Variants in SPAG16 observed in about 807,000 individuals in gnomAD.
The protein encoded by SPAG16 is sperm associated antigen 16.
SPAG16 carries 86 observed loss-of-function variants against 80.4 expected under a neutral mutation model. The ratio of observed to expected loss-of-function variants is 1.07; its 90% confidence interval spans 0.90 to 1.28. The LOEUF (loss-of-function observed/expected upper bound fraction) is 1.28. Among genes scored for constraint, SPAG16 ranks in the 50% most tolerant of loss-of-function variants. SPAG16 has a pLI of 0.00. For synonymous variants in SPAG16, 294 were observed against 265.9 expected, an observed-to-expected ratio of 1.11 and a Z score of -1.03; for missense variants, 870 against 765.3, an observed-to-expected ratio of 1.14 and a Z score of -1.61.
chr2:213,347,687 T>TAATCTG (rs2065075763), intron 6 of SPAG16, among the ~76,000 whole-genome samples: 1 of 152,230 alleles, frequency 6.6e-6, no homozygotes, highest in Non-Finnish European at 1.5e-5. Flanking sequence ...TCCATGTAGT[T>TAATCTG]GAGCGGTTTT....
chr2:213,378,504 T>A (rs1390639910), intron 9 of SPAG16, among the ~76,000 whole-genome samples: 1 of 147,226 alleles, frequency 6.8e-6, no homozygotes, highest in Non-Finnish European at 1.5e-5. Flanking sequence ...AAGTTAACAA[T>A]ACTTAAATGT....
intron 8 of SPAG16, chr2:213,365,116 C>CA (rs1354173534): frequency 6.6e-6 from 1 of 152,066 alleles, no homozygotes; most frequent in Non-Finnish European, 1.5e-5. Context: ...CCTTCTAGAA[C>CA]AAAAAATGAC....
intron 11 of SPAG16, among the ~76,000 whole-genome samples, chr2:213,912,123 A>G (rs2077704387): frequency 6.6e-6 from 1 of 152,144 alleles, no homozygotes; most frequent in African/African-American, 2.4e-5. Flanking sequence ...TTATATTATC[A>G]ATAATTTGTT....
chr2:213,832,042 G>GA (rs2073692448), intron 10 of SPAG16, among the ~76,000 whole-genome samples: 1 of 151,840 alleles, frequency 6.6e-6, no homozygotes, highest in African/African-American at 2.4e-5. Context: ...TGTCACCCAG[G>GA]ATGGAGTGCA....
chr2:213,676,047 C>T (rs1367536437), intron 10 of SPAG16, among the ~76,000 whole-genome samples: 5 of 152,074 alleles, frequency 3.3e-5, no homozygotes, highest in South Asian at 2.1e-4. Context: ...TTGTTTGTAT[C>T]CTCTTTTATT....
intron 12 of SPAG16, among the ~76,000 whole-genome samples, chr2:213,933,255 G>GT: frequency 6.6e-6 from 1 of 152,262 alleles, no homozygotes; most frequent in East Asian, 1.9e-4. Context: ...ACATTAAGCA[G>GT]TAAGTATTCA....
intron 10 of SPAG16, among the ~76,000 whole-genome samples, chr2:213,546,972 T>C (rs2076632389): frequency 6.6e-6 from 1 of 152,174 alleles, no homozygotes; most frequent in Non-Finnish European, 1.5e-5. Context: ...CCTTTGTTTA[T>C]GTAGCTAGAA....
intron 15 of SPAG16, among the ~76,000 whole-genome samples, chr2:214,350,267 T>C (rs1376233065): frequency 6.6e-6 from 1 of 152,232 alleles, no homozygotes; most frequent in African/African-American, 2.4e-5. Context: ...TTTTGCTTCA[T>C]TCTCTCTTTC....
At chr2:213,773,409 A>G (rs191160010) in intron 10 of SPAG16, among the ~76,000 whole-genome samples, 9 of 152,346 alleles carry the variant, frequency 5.9e-5, no homozygotes, top group Admixed American at 4.6e-4. Context: ...ATTTCATTAC[A>G]TGTATACAAT....
At chr2:214,049,365 A>G (rs1510554) in intron 13 of SPAG16, among the ~76,000 whole-genome samples, 146,650 of 152,294 alleles carry the variant, frequency 0.96, 70,778 homozygotes, top group Non-Finnish European at 0.99. Flanking sequence ...ATAAACATGA[A>G]AGTTGCTTTT....
chr2:214,389,958 C>A (rs186428781), intron 15 of SPAG16, among the ~76,000 whole-genome samples: 160 of 152,182 alleles, frequency 1.1e-3, no homozygotes, highest in African/African-American at 3.8e-3. Flanking sequence ...TGTTGGAGTG[C>A]ACTTCAAATT....
chr2:213,538,997 T>G (rs2076340720), intron 10 of SPAG16, among the ~76,000 whole-genome samples: 1 of 152,200 alleles, frequency 6.6e-6, no homozygotes, highest in African/African-American at 2.4e-5. Flanking sequence ...TCTATAAAAA[T>G]GCATTTTATT....
At chr2:213,743,953 T>C (rs771613692) in intron 10 of SPAG16, among the ~76,000 whole-genome samples, 41 of 152,238 alleles carry the variant, frequency 2.7e-4, no homozygotes, top group Non-Finnish European at 5.0e-4. Flanking sequence ...TTATTCCTGC[T>C]TTTTCTGCTT....
At chr2:213,358,232 G>C (rs935806876) in intron 7 of SPAG16, among the ~76,000 whole-genome samples, 2 of 152,084 alleles carry the variant, frequency 1.3e-5, no homozygotes, top group African/African-American at 4.8e-5. Flanking sequence ...ACGATTATGT[G>C]TCTTAGGGTT....
At chr2:213,550,460 A>T (rs1405490335) in intron 10 of SPAG16, among the ~76,000 whole-genome samples, 1 of 152,070 alleles carries the variant, frequency 6.6e-6, no homozygotes, top group African/African-American at 2.4e-5. Flanking sequence ...CCTTGGGAAA[A>T]CATGCTGCTG....
chr2:214,025,879 C>T (rs916998540), intron 13 of SPAG16, among the ~76,000 whole-genome samples: 9 of 151,236 alleles, frequency 6.0e-5, no homozygotes, highest in African/African-American at 2.2e-4. Flanking sequence ...GGACAAAAAC[C>T]TTAAATTTAA....
intron 12 of SPAG16, among the ~76,000 whole-genome samples, chr2:213,976,113 T>TAG (rs2045360206): frequency 2.2e-5 from 2 of 90,398 alleles, no homozygotes; most frequent in Non-Finnish European, 4.2e-5. Context: ...GAGGGAGATA[T>TAG]ATATATATAT....
At chr2:213,314,296 A>G (rs1169608744) in intron 4 of SPAG16, among the ~76,000 whole-genome samples, 3 of 151,908 alleles carry the variant, frequency 2.0e-5, no homozygotes, top group Non-Finnish European at 4.4e-5. Context: ...TCAAATTTCT[A>G]ATAGTTATGG....
chr2:214,051,154 A>G (rs1054640680), intron 13 of SPAG16, among the ~76,000 whole-genome samples: 2 of 152,186 alleles, frequency 1.3e-5, no homozygotes, highest in Non-Finnish European at 2.9e-5. Context: ...CCTGTGGCCT[A>G]CACCCAGAAG....
Sources: allele counts gnomAD v4.1 joint callset (sites outside exome capture counted in the v4.1 genomes callset), GRCh38; gene constraint gnomAD v4.1.1; transcripts MANE v1.5; gene names NCBI Gene and HGNC (gene_info 2026-07-23, HGNC 2026-07-21).